Variants in CBLN2 observed in about 807,000 individuals in gnomAD.
The protein encoded by CBLN2 is cerebellin-2.
CBLN2 carries 7 observed loss-of-function variants against 15.0 expected under a neutral mutation model. The ratio of observed to expected loss-of-function variants is 0.47; its 90% CI spans 0.27 to 0.88. The LOEUF is 0.88. Ranked by LOEUF, CBLN2 falls within the 40% of genes least tolerant of loss-of-function variation. The pLI is 0.14. For synonymous variants in CBLN2, 149 were observed against 135.2 expected, an observed-to-expected ratio of 1.10 and a Z score of -0.71; for missense variants, 242 against 304.5, an observed-to-expected ratio of 0.79 and a Z score of 1.53.
At chr18:72,590,200 G>A (rs1219529448) in intron 1 of CBLN2, among the ~76,000 whole-genome samples, 4 of 152,068 alleles carry the variant, frequency 2.6e-5, no homozygotes, top group Non-Finnish European at 5.9e-5. Flanking sequence ...GGGAGGCGGA[G>A]CTTGCAGTGA....
chr18:72,550,446 A>G (rs988208410), intron 1 of CBLN2, among the ~76,000 whole-genome samples: 3 of 152,208 alleles, frequency 2.0e-5, no homozygotes, highest in Admixed American at 6.5e-5. Context: ...ATCAGTGCTG[A>G]TAAGTCAGAG....
At chr18:72,577,863 T>C (rs1047464334) in intron 1 of CBLN2, among the ~76,000 whole-genome samples, 7 of 152,212 alleles carry the variant, frequency 4.6e-5, no homozygotes, top group African/African-American at 1.7e-4. Context: ...ACCATTGCCA[T>C]CAGCATTAGA....
chr18:72,636,909 AC>A (rs1290087552), intron 1 of CBLN2, among the ~76,000 whole-genome samples: 1 of 152,132 alleles, frequency 6.6e-6, no homozygotes, highest in East Asian at 1.9e-4. Context: ...TTGGATTTTC[AC>A]ATTTAAATTT....
intron 1 of CBLN2, among the ~76,000 whole-genome samples, chr18:72,589,389 C>G (rs1194885693): frequency 6.6e-6 from 1 of 152,186 alleles, no homozygotes; most frequent in Non-Finnish European, 1.5e-5. Flanking sequence ...TTGAGACACA[C>G]TGTATTTGCA....
At chr18:72,605,565 C>T (rs1259300431) in intron 1 of CBLN2, among the ~76,000 whole-genome samples, 1 of 152,194 alleles carries the variant, frequency 6.6e-6, no homozygotes, top group African/African-American at 2.4e-5. Context: ...GATGTCACTT[C>T]ATACTGACAT....
chr18:72,638,000 C>G, intron 1 of CBLN2, among the ~76,000 whole-genome samples: 1 of 152,146 alleles, frequency 6.6e-6, no homozygotes, highest in Admixed American at 6.5e-5. Context: ...GTGAGCATCC[C>G]AAGACTGTGG....
At chr18:72,613,963 T>C (rs889440766) in intron 1 of CBLN2, among the ~76,000 whole-genome samples, 2 of 152,214 alleles carry the variant, frequency 1.3e-5, no homozygotes, top group Non-Finnish European at 2.9e-5. Flanking sequence ...AGCCCAGAGA[T>C]GTGTTTTGAA....
intron 1 of CBLN2, among the ~76,000 whole-genome samples, chr18:72,597,109 A>T (rs990135014): frequency 6.6e-6 from 1 of 152,142 alleles, no homozygotes; most frequent in African/African-American, 2.4e-5. Flanking sequence ...TTGTCTGGGC[A>T]TTGAAGAGTT....
At chr18:72,596,640 A>C (rs12961067) in intron 1 of CBLN2, among the ~76,000 whole-genome samples, 82,416 of 152,028 alleles carry the variant, frequency 0.54, 26,182 homozygotes, top group Non-Finnish European at 0.73. Context: ...TGTTTGTCTG[A>C]GAAGGTCTTT....
intron 1 of CBLN2, among the ~76,000 whole-genome samples, chr18:72,589,415 C>G (rs936388283): frequency 6.6e-6 from 1 of 152,146 alleles, no homozygotes; most frequent in Non-Finnish European, 1.5e-5. Context: ...TGTGGTCCCT[C>G]CAGTGGTGTA....
intron 1 of CBLN2, among the ~76,000 whole-genome samples, chr18:72,631,806 A>C (rs1163694734): frequency 6.6e-6 from 1 of 152,134 alleles, no homozygotes; most frequent in Non-Finnish European, 1.5e-5. Context: ...CAGTTCAAAC[A>C]CTCAGGAAAT....
intron 1 of CBLN2, among the ~76,000 whole-genome samples, chr18:72,617,827 T>C (rs2069672527): frequency 1.3e-5 from 2 of 152,078 alleles, no homozygotes; most frequent in Non-Finnish European, 2.9e-5. Context: ...GTAGTAATAG[T>C]GGAAAGGAGG....
At chr18:72,542,813 A>G (rs961492199) in intron 2 of CBLN2, among the ~76,000 whole-genome samples, 4 of 151,972 alleles carry the variant, frequency 2.6e-5, no homozygotes, top group Non-Finnish European at 4.4e-5. Context: ...AAGTCCATTT[A>G]AGTCCCTTTG....
At chr18:72,575,516 G>A (rs2069360037) in intron 1 of CBLN2, among the ~76,000 whole-genome samples, 2 of 152,128 alleles carry the variant, frequency 1.3e-5, no homozygotes, top group Admixed American at 1.3e-4. Flanking sequence ...AGGGGGGCGT[G>A]GTGTGATCTG....
intron 1 of CBLN2, among the ~76,000 whole-genome samples, chr18:72,604,159 C>T (rs2144946172): frequency 6.6e-6 from 1 of 152,304 alleles, no homozygotes; most frequent in Middle Eastern, 3.4e-3. Context: ...TGGTTCAAGG[C>T]CCACCAGCAC....
intron 1 of CBLN2, among the ~76,000 whole-genome samples, chr18:72,561,327 A>G (rs1568255939): frequency 6.6e-6 from 1 of 152,096 alleles, no homozygotes; most frequent in Non-Finnish European, 1.5e-5. Flanking sequence ...CCAGAAGAAA[A>G]GTAAAATACA....
At chr18:72,563,429 G>T (rs923870862) in intron 1 of CBLN2, among the ~76,000 whole-genome samples, 1 of 152,130 alleles carries the variant, frequency 6.6e-6, no homozygotes, top group Non-Finnish European at 1.5e-5. Context: ...CAACAAGATA[G>T]CTGATTAGAG....
intron 1 of CBLN2, among the ~76,000 whole-genome samples, chr18:72,581,622 T>C (rs2069405545): frequency 6.6e-6 from 1 of 152,226 alleles, no homozygotes. Flanking sequence ...CACGAAGTTA[T>C]CTGTATATTC....
At chr18:72,637,218 A>T (rs1323092911) in intron 1 of CBLN2, among the ~76,000 whole-genome samples, 1 of 152,058 alleles carries the variant, frequency 6.6e-6, no homozygotes, top group Non-Finnish European at 1.5e-5. Context: ...GACAAAAATC[A>T]TTTTTGATGA....
Sources: gnomAD v4.1 joint callset for allele counts (sites outside exome capture counted in the v4.1 genomes callset) on GRCh38, gnomAD v4.1.1 for gene constraint, MANE v1.5 for transcripts, NCBI Gene and HGNC (gene_info 2026-07-23, HGNC 2026-07-21) for gene names.